The following ANO4 variants were observed in gnomAD, a reference collection of about 807,000 sequenced individuals.
The protein encoded by ANO4 is anoctamin-4.
A neutral mutation model predicts 141.9 loss-of-function variants in ANO4; 69 were observed. The ratio of observed to expected loss-of-function variants is 0.49; its 90% CI spans 0.40 to 0.59. ANO4 has a LOEUF of 0.59. ANO4 is among the 20% of genes least tolerant of loss of function. ANO4 has a pLI of 0.00. For synonymous variants in ANO4, 350 were observed against 394.3 expected, an observed-to-expected ratio of 0.89 and a Z score of 1.33; for missense variants, 894 against 1,162.2, an observed-to-expected ratio of 0.77 and a Z score of 3.36.
intron 24 of ANO4, among the ~76,000 whole-genome samples, chr12:101,113,734 G>GGGT (rs1300090473): frequency 5.9e-5 from 9 of 152,258 alleles, no homozygotes; most frequent in Admixed American, 1.3e-4. Flanking sequence ...TAAGCCTTTA[G>GGGT]GGTAGTACAG....
chr12:100,744,645 A>T (rs994992066), intron 3 of ANO4, among the ~76,000 whole-genome samples: 3 of 152,182 alleles, frequency 2.0e-5, no homozygotes, highest in Non-Finnish European at 4.4e-5. Context: ...GTCCTAATCC[A>T]GTGTTTTGGG....
intron 22 of ANO4, among the ~76,000 whole-genome samples, chr12:101,106,573 G>GTGTATA (rs1555303963): frequency 0.028 from 3,921 of 138,542 alleles, 186 homozygotes; most frequent in African/African-American, 0.097. Context: ...GTGTGTGTGT[G>GTGTATA]TATATATATA....
intron 15 of ANO4, 55 bp downstream of exon 15, chr12:101,079,330 G>A: frequency 2.1e-6 from 3 of 1,425,970 alleles, no homozygotes; most frequent in Non-Finnish European, 1.9e-6. Flanking sequence ...AGAACCACAC[G>A]ACCCCCCCCC....
intron 1 of ANO4, among the ~76,000 whole-genome samples, chr12:100,842,828 T>G (rs1395676568): frequency 6.6e-6 from 1 of 152,122 alleles, no homozygotes; most frequent in African/African-American, 2.4e-5. Context: ...AGAGCCCCCA[T>G]GGCTTAACCA....
intron 2 of ANO4, among the ~76,000 whole-genome samples, chr12:100,734,867 C>G (rs1398846979): frequency 1.3e-5 from 2 of 152,138 alleles, no homozygotes; most frequent in Non-Finnish European, 2.9e-5. Context: ...TTCCAAATAG[C>G]CATTAAAATT....
At chr12:101,010,740 G>T (rs1008103604) in intron 8 of ANO4, among the ~76,000 whole-genome samples, 2 of 152,112 alleles carry the variant, frequency 1.3e-5, no homozygotes, top group Non-Finnish European at 2.9e-5. Context: ...AAAGTTTCCT[G>T]AAATATTTAT....
chr12:100,999,604 A>G (rs936512261), intron 8 of ANO4, among the ~76,000 whole-genome samples: 1 of 152,160 alleles, frequency 6.6e-6, no homozygotes, highest in African/African-American at 2.4e-5. Context: ...TGCCTATCAC[A>G]GCTGTACAAA....
At chr12:101,042,827 G>A (rs995918312) in intron 12 of ANO4, among the ~76,000 whole-genome samples, 1 of 152,040 alleles carries the variant, frequency 6.6e-6, no homozygotes, top group Non-Finnish European at 1.5e-5. Flanking sequence ...TATGAATTCT[G>A]TGTTTTTACA....
chr12:100,766,470 A>G (rs2135540160), intron 3 of ANO4, among the ~76,000 whole-genome samples: 1 of 152,058 alleles, frequency 6.6e-6, no homozygotes, highest in African/African-American at 2.4e-5. Flanking sequence ...AGATATTTTT[A>G]TATTTCCCTT....
intron 8 of ANO4, among the ~76,000 whole-genome samples, chr12:101,013,618 T>C (rs998984240): frequency 9.2e-5 from 14 of 152,206 alleles, no homozygotes; most frequent in African/African-American, 3.4e-4. Context: ...ATGCTGTTCA[T>C]ATAGTATCCA....
intron 14 of ANO4, among the ~76,000 whole-genome samples, chr12:101,071,674 T>A (rs1053346726): frequency 1.3e-5 from 2 of 152,150 alleles, no homozygotes; most frequent in Admixed American, 6.6e-5. Flanking sequence ...AATTGTACTT[T>A]TTAAAATAAC....
intron 22 of ANO4, among the ~76,000 whole-genome samples, chr12:101,109,663 C>A (rs1232663254): frequency 6.6e-6 from 1 of 152,198 alleles, no homozygotes; most frequent in Non-Finnish European, 1.5e-5. Flanking sequence ...AGGAGATACT[C>A]TGAGAATCTA....
intron 3 of ANO4, among the ~76,000 whole-genome samples, chr12:100,749,220 G>C (rs2032252960): frequency 6.6e-6 from 1 of 152,158 alleles, no homozygotes; most frequent in Admixed American, 6.6e-5. Flanking sequence ...TTGCCGCACA[G>C]GGTGGCTGGG....
At chr12:101,114,839 T>C (rs1005017541) in intron 24 of ANO4, among the ~76,000 whole-genome samples, 2 of 152,152 alleles carry the variant, frequency 1.3e-5, no homozygotes, top group East Asian at 3.9e-4. Flanking sequence ...CAAATTACCC[T>C]TTCAGTAGGG....
At chr12:100,902,459 T>A (rs2040637940) in intron 2 of ANO4, among the ~76,000 whole-genome samples, 1 of 152,264 alleles carries the variant, frequency 6.6e-6, no homozygotes, top group African/African-American at 2.4e-5. Flanking sequence ...GCCAGCTACA[T>A]GCTAGGCATT....
At chr12:101,106,265 G>C (rs1242152990) in intron 22 of ANO4, among the ~76,000 whole-genome samples, 5 of 151,934 alleles carry the variant, frequency 3.3e-5, no homozygotes, top group African/African-American at 1.2e-4. Context: ...CAGCCAAAAA[G>C]GCTGAAATAT....
intron 7 of ANO4, among the ~76,000 whole-genome samples, chr12:100,985,629 T>G (rs1416527196): frequency 6.6e-6 from 1 of 152,126 alleles, no homozygotes; most frequent in Non-Finnish European, 1.5e-5. Context: ...CTCACTATAT[T>G]TTAAGTATAT....
chr12:100,738,872 C>G (rs1212802706), intron 2 of ANO4, among the ~76,000 whole-genome samples: 1 of 151,600 alleles, frequency 6.6e-6, no homozygotes, highest in Non-Finnish European at 1.5e-5. Flanking sequence ...GTTATTAACT[C>G]TAGTTCTCAT....
chr12:101,096,656 C>T lies in ANO4; in HGVS notation c.1850+9C>T. The T allele has an allele frequency of 6.2e-7, 1 of 1,601,876 alleles. No homozygotes were observed. The highest frequency in any genetic ancestry group is 8.6e-7 in the Non-Finnish European group (1 of 1,169,374). The stretch of plus-strand genomic sequence containing the variant: ...GCATTCTTCCTCGGAAGGTAAGAAC[C>T]TGACCCCTGCACACCTCCCCAAGCT... On this transcript the variant is annotated intron_variant, in intron 19 of 27. Transcript: ENST00000392977.
Sources: allele counts gnomAD v4.1 joint callset (sites outside exome capture counted in the v4.1 genomes callset), GRCh38; gene constraint gnomAD v4.1.1; transcripts MANE v1.5; gene names NCBI Gene and HGNC (gene_info 2026-07-23, HGNC 2026-07-21).